Variants in ROBO1 observed in about 807,000 individuals in gnomAD.
ROBO1 encodes the protein roundabout guidance receptor 1, also known as roundabout homolog 1.
ROBO1 carries 149 observed loss-of-function variants against 195.9 expected under a neutral mutation model. The ratio of observed to expected loss-of-function variants is 0.76; its 90% CI spans 0.67 to 0.87. The LOEUF is 0.87. ROBO1 is among the 40% of genes least tolerant of loss of function. The pLI, the probability that ROBO1 is intolerant of heterozygous loss-of-function variation, is 0.00. For missense variants in ROBO1, 1,933 were observed against 2,068.3 expected, an observed-to-expected ratio of 0.93 and a Z score of 1.27; for synonymous variants, 816 against 733.2, an observed-to-expected ratio of 1.11 and a Z score of -1.82.
Position 79,370,731 on chromosome 3 carries a change from T to C in ROBO1, c.88+219093A>G, listed in dbSNP as rs150892071. Among the ~76,000 whole-genome samples, 521 of 152,160 alleles carry C rather than the reference T, an allele frequency of 3.4e-3. 2 individuals are homozygous for C. The highest frequency in any genetic ancestry group is 0.012 in the African/African-American group (498 of 41,518). On this transcript the variant is annotated intron_variant, in intron 2 of 30. Transcript: ENST00000464233. ...GTGCAGAATGTGCAGGTTTGTTACA[T>C]AGATATATACATGTGTCATGGTGGT...
At chr3:79,120,426 T>C (rs532041737) in intron 3 of ROBO1, among the ~76,000 whole-genome samples, 11 of 152,352 alleles carry the variant, frequency 7.2e-5, no homozygotes, top group Non-Finnish European at 1.3e-4. Flanking sequence ...CAAGCAAGCG[T>C]GGACAGAATA....
chr3:79,054,546 C>G (rs140481805), intron 3 of ROBO1, among the ~76,000 whole-genome samples: 1 of 152,212 alleles, frequency 6.6e-6, no homozygotes, highest in African/African-American at 2.4e-5. Context: ...CAGAGCTATT[C>G]TGTGGGCATG....
intron 10 of ROBO1, among the ~76,000 whole-genome samples, chr3:78,681,149 C>G (rs1422193056): frequency 1.7e-4 from 26 of 149,380 alleles, no homozygotes; most frequent in Admixed American, 5.4e-4. Context: ...CACATGGACA[C>G]AGGAAGGGGA....
chr3:79,237,186 T>C (rs1275152270), intron 2 of ROBO1, among the ~76,000 whole-genome samples: 1 of 152,052 alleles, frequency 6.6e-6, no homozygotes, highest in South Asian at 2.1e-4. Flanking sequence ...GAAAGTGTAA[T>C]AAAAGTTCAA....
At chr3:79,506,169 T>G (rs1940382961) in intron 2 of ROBO1, among the ~76,000 whole-genome samples, 1 of 151,936 alleles carries the variant, frequency 6.6e-6, no homozygotes, top group African/African-American at 2.4e-5. Context: ...GCAAGTGTTT[T>G]GAGATTTTAT....
intron 3 of ROBO1, among the ~76,000 whole-genome samples, chr3:78,944,564 G>T (rs187834769): frequency 1.3e-5 from 2 of 152,072 alleles, no homozygotes. Flanking sequence ...GAACAGCTCC[G>T]GTCTACAGCT....
intron 7 of ROBO1, among the ~76,000 whole-genome samples, chr3:78,716,155 ACT>A (rs2081897133): frequency 6.6e-6 from 1 of 151,796 alleles, no homozygotes; most frequent in South Asian, 2.1e-4. Flanking sequence ...TTCTTTCAGA[ACT>A]CTCTCCCAAA....
chr3:79,133,943 G>A (rs112373252), intron 2 of ROBO1, among the ~76,000 whole-genome samples: 89 of 152,090 alleles, frequency 5.9e-4, no homozygotes, highest in Admixed American at 1.4e-3. Flanking sequence ...ATACCCTGCC[G>A]TGTGAGGTGT....
intron 1 of ROBO1, among the ~76,000 whole-genome samples, chr3:79,732,221 G>A (rs1036496559): frequency 6.6e-6 from 1 of 151,596 alleles, no homozygotes; most frequent in African/African-American, 2.4e-5. Flanking sequence ...ATCTTATGGG[G>A]CTACTATCAT....
chr3:79,116,580 T>A (rs1239275376), intron 3 of ROBO1, among the ~76,000 whole-genome samples: 1 of 150,478 alleles, frequency 6.6e-6, no homozygotes. Context: ...AAGGCAGTGG[T>A]GCAATCTTTG....
chr3:79,099,240 A>G (rs1478715111), intron 3 of ROBO1, among the ~76,000 whole-genome samples: 1 of 151,850 alleles, frequency 6.6e-6, no homozygotes, highest in Admixed American at 6.6e-5. Flanking sequence ...AATCCTATCA[A>G]ATAATTAAAG....
At chr3:78,634,226 T>G (rs138449490) in intron 23 of ROBO1, among the ~76,000 whole-genome samples, 184 bp from the exon 24 acceptor site, 2 of 151,792 alleles carry the variant, frequency 1.3e-5, no homozygotes, top group South Asian at 4.1e-4. Flanking sequence ...TCCAAATATA[T>G]ATAAACTATA....
At chr3:79,043,296 C>T (rs879914945) in intron 3 of ROBO1, among the ~76,000 whole-genome samples, 1 of 152,086 alleles carries the variant, frequency 6.6e-6, no homozygotes, top group Non-Finnish European at 1.5e-5. Flanking sequence ...TCCATGTCCT[C>T]AAGTGGTCTG....
chr3:78,841,549 T>C, intron 4 of ROBO1, among the ~76,000 whole-genome samples: 1 of 151,940 alleles, frequency 6.6e-6, no homozygotes, highest in Non-Finnish European at 1.5e-5. Context: ...ATAAGTGGAG[T>C]GGAATAATAA....
intron 2 of ROBO1, among the ~76,000 whole-genome samples, chr3:79,295,863 A>G (rs995412488): frequency 1.5e-4 from 23 of 152,212 alleles, no homozygotes; most frequent in Admixed American, 4.6e-4. Flanking sequence ...TCCCAAAACA[A>G]TAATTAAAAA....
intron 2 of ROBO1, among the ~76,000 whole-genome samples, chr3:79,322,862 A>C (rs1576974077): frequency 6.6e-6 from 1 of 152,220 alleles, no homozygotes; most frequent in African/African-American, 2.4e-5. Flanking sequence ...CTAAAGCAAA[A>C]ACAAAATAAA....
chr3:79,133,486 G>A (rs2108589985), intron 2 of ROBO1, among the ~76,000 whole-genome samples: 1 of 105,750 alleles, frequency 9.5e-6, no homozygotes, highest in South Asian at 4.0e-4. Flanking sequence ...CGGCTCCTGA[G>A]GCTTCTGCAT....
At chr3:79,023,704 T>G (rs1160067703) in intron 3 of ROBO1, among the ~76,000 whole-genome samples, 52 of 129,520 alleles carry the variant, frequency 4.0e-4, no homozygotes, top group African/African-American at 1.4e-3. Context: ...GAGTTTTTTT[T>G]TTTTTTTTTT....
rs772898909 is a variant in ROBO1 at position 78,617,689 on chromosome 3, C to T, written c.4228G>A (p.Ala1410Thr). The T allele has an allele frequency of 3.1e-6, 5 of 1,613,850 alleles. No homozygotes were observed. Among genetic ancestry groups the T allele is most frequent in the South Asian group, 2.2e-5 (2 of 91,088 alleles). Residue 1410 changes from alanine to threonine, a missense_variant, in exon 27 of 31, where the codon GCG becomes ACG. Coordinates refer to ENST00000464233, the MANE Select transcript of ROBO1 (RefSeq NM_002941.4). ...DADFAQAVAA[A>T]AEYAGLKVAR... Reference sequence around the variant, plus strand: ...ACTTTCAGACCAGCATACTCTGCCGCTGCTGCGACTGCCTGGGCAAAGTCA... The same window carrying T: ...ACTTTCAGACCAGCATACTCTGCCGTTGCTGCGACTGCCTGGGCAAAGTCA...
Sources: allele counts gnomAD v4.1 joint callset (sites outside exome capture counted in the v4.1 genomes callset), GRCh38; gene constraint gnomAD v4.1.1; transcripts MANE v1.5; gene names NCBI Gene and HGNC (gene_info 2026-07-23, HGNC 2026-07-21).